SNTG1: variants seen among roughly 807,000 people sequenced by gnomAD.
The protein encoded by SNTG1 is syntrophin gamma 1, also known as gamma-1-syntrophin.
In SNTG1, 39 loss-of-function variants were observed where a neutral mutation model predicts 74.7. The ratio of observed to expected loss-of-function variants is 0.52; its 90% confidence interval spans 0.40 to 0.68. The LOEUF (loss-of-function observed/expected upper bound fraction) is 0.68, where lower values mean the gene tolerates loss of function less well. Ranked by LOEUF, SNTG1 falls within the 30% of genes least tolerant of loss-of-function variation. The probability of loss-of-function intolerance (pLI) is 0.00; values close to 1 mark genes in which losing one functional copy is unlikely to be tolerated. For synonymous variants in SNTG1, 254 were observed against 217.1 expected, an observed-to-expected ratio of 1.17 and a Z score of -1.49; for missense variants, 685 against 609.5, an observed-to-expected ratio of 1.12 and a Z score of -1.30.
chr8:50,441,132 C>G (rs996054734), intron 5 of SNTG1, among the ~76,000 whole-genome samples: 1 of 152,108 alleles, frequency 6.6e-6, no homozygotes, highest in African/African-American at 2.4e-5. Context: ...TTATGTAGGT[C>G]TGAGTCCATT....
At chr8:50,397,802 G>A (rs2092746996) in intron 3 of SNTG1, among the ~76,000 whole-genome samples, 1 of 152,162 alleles carries the variant, frequency 6.6e-6, no homozygotes, top group Non-Finnish European at 1.5e-5. Context: ...GTGGTGAAGA[G>A]CCTAGCTGCC....
At chr8:50,318,903 T>C (rs949365684) in intron 2 of SNTG1, among the ~76,000 whole-genome samples, 1 of 152,026 alleles carries the variant, frequency 6.6e-6, no homozygotes, top group Non-Finnish European at 1.5e-5. Flanking sequence ...AATTCTATAA[T>C]TCTTACGTTT....
intron 18 of SNTG1, among the ~76,000 whole-genome samples, chr8:50,764,236 G>GGCAACAATAGCA (rs1187885137): frequency 2.0e-5 from 3 of 151,716 alleles, no homozygotes; most frequent in African/African-American, 7.3e-5. Context: ...CATAAGCTCA[G>GGCAACAATAGCA]GCAACAATAG....
At chr8:49,987,824 A>G (rs1267271508) in intron 1 of SNTG1, among the ~76,000 whole-genome samples, 3 of 151,594 alleles carry the variant, frequency 2.0e-5, no homozygotes, top group Non-Finnish European at 4.4e-5. Context: ...AATTTTTTGT[A>G]ATTTCGGTAG....
At chr8:50,219,387 C>T (rs1472244514) in intron 2 of SNTG1, among the ~76,000 whole-genome samples, 1 of 152,082 alleles carries the variant, frequency 6.6e-6, no homozygotes, top group Non-Finnish European at 1.5e-5. Context: ...AAGATATAAG[C>T]CATTGTGAGC....
At chr8:50,534,795 C>A (rs954085849) in intron 10 of SNTG1, among the ~76,000 whole-genome samples, 50 of 152,118 alleles carry the variant, frequency 3.3e-4, no homozygotes, top group African/African-American at 1.2e-3. Context: ...AATAAAAAAA[C>A]CTTCTGTTTT....
chr8:50,536,349 G>GT (rs1399967952), intron 10 of SNTG1, among the ~76,000 whole-genome samples: 1 of 152,114 alleles, frequency 6.6e-6, no homozygotes, highest in Non-Finnish European at 1.5e-5. Context: ...TATAGTTACA[G>GT]TTTTTTCCCA....
chr8:50,183,046 C>T (rs190363249), intron 2 of SNTG1, among the ~76,000 whole-genome samples: 1 of 152,156 alleles, frequency 6.6e-6, no homozygotes, highest in African/African-American at 2.4e-5. Context: ...TTTGCCCCAA[C>T]TGACTGTAAC....
intron 13 of SNTG1, among the ~76,000 whole-genome samples, chr8:50,613,082 C>T (rs2094862262): frequency 6.6e-6 from 1 of 152,144 alleles, no homozygotes; most frequent in Non-Finnish European, 1.5e-5. Context: ...AGAAGAGCAT[C>T]TGTTAAAATC....
At chr8:50,449,584 C>A (rs2093436628) in intron 5 of SNTG1, 84 bp from the exon 6 acceptor site, 4 of 993,004 alleles carry the variant, frequency 4.0e-6, no homozygotes, top group Non-Finnish European at 5.5e-6. Context: ...ACTTAACATT[C>A]CCTTCAGAGC....
In SNTG1 at chr8:50,780,621, T is replaced by C. The variant is rs532680552; in HGVS notation, c.1396-12050T>C. Among the ~76,000 whole-genome samples, 151 of 152,338 alleles carry C rather than the reference T, an allele frequency of 9.9e-4. 1 individual carries two copies. Among genetic ancestry groups the C allele is most frequent in the African/African-American group, 3.5e-3 (146 of 41,576 alleles). On this transcript the variant is annotated intron_variant, in intron 18 of 18. Coordinates refer to ENST00000642720, the MANE Select transcript of SNTG1 (RefSeq NM_018967.5). The stretch of plus-strand genomic sequence containing the variant: ...TCTTCTTTATTAGCCTTGCTAGTGG[T>C]CTATCAACTTTGTTGATCTTTTCAA...
intron 3 of SNTG1, 135 bp downstream of exon 3, chr8:50,394,400 G>C: frequency 1.3e-6 from 1 of 788,170 alleles, no homozygotes; most frequent in Non-Finnish European, 2.0e-6. Flanking sequence ...TTTCCTTCCA[G>C]ATTACGTTCT....
At chr8:50,224,505 G>A (rs1563763972) in intron 2 of SNTG1, among the ~76,000 whole-genome samples, 1 of 152,194 alleles carries the variant, frequency 6.6e-6, no homozygotes, top group Non-Finnish European at 1.5e-5. Context: ...TCACACCTAA[G>A]TAAACCTTTC....
At chr8:50,187,529 T>A (rs777876378) in intron 2 of SNTG1, among the ~76,000 whole-genome samples, 45 of 152,308 alleles carry the variant, frequency 3.0e-4, no homozygotes, top group Middle Eastern at 6.8e-3. Flanking sequence ...AGTATCTTTG[T>A]TAAATAGATT....
intron 8 of SNTG1, among the ~76,000 whole-genome samples, chr8:50,493,243 C>T (rs2093874308): frequency 1.3e-5 from 2 of 152,106 alleles, no homozygotes; most frequent in Non-Finnish European, 2.9e-5. Flanking sequence ...GCATATGATC[C>T]TTTAGATGAT....
intron 1 of SNTG1, among the ~76,000 whole-genome samples, chr8:50,131,610 A>G (rs997310966): frequency 2.0e-5 from 3 of 152,158 alleles, no homozygotes; most frequent in Non-Finnish European, 2.9e-5. Flanking sequence ...TTGTTTTCAT[A>G]TCTTGGCTAT....
chr8:49,980,630 T>C (rs1812595709), intron 1 of SNTG1, among the ~76,000 whole-genome samples: 1 of 150,720 alleles, frequency 6.6e-6, no homozygotes, highest in Non-Finnish European at 1.5e-5. Context: ...GCAAGAACAG[T>C]GTGTTCCTGA....
chr8:50,274,530 A>G (rs2087982580), intron 2 of SNTG1, among the ~76,000 whole-genome samples: 1 of 152,076 alleles, frequency 6.6e-6, no homozygotes, highest in African/African-American at 2.4e-5. Flanking sequence ...CAATTTGTAT[A>G]TTTTAAAATT....
At chr8:49,946,411 C>T (rs891792525) in intron 1 of SNTG1, among the ~76,000 whole-genome samples, 2 of 152,140 alleles carry the variant, frequency 1.3e-5, no homozygotes, top group East Asian at 1.9e-4. Flanking sequence ...CTGGGAGATA[C>T]GTGTATGGTG....
Sources: gnomAD v4.1 joint callset for allele counts (sites outside exome capture counted in the v4.1 genomes callset) on GRCh38, gnomAD v4.1.1 for gene constraint, MANE v1.5 for transcripts, NCBI Gene and HGNC (gene_info 2026-07-23, HGNC 2026-07-21) for gene names.